HEXD: variants seen among roughly 807,000 people sequenced by gnomAD.
The protein encoded by HEXD is N-acetyl-beta-galactosaminidase.
A neutral mutation model predicts 54.2 loss-of-function variants in HEXD; 47 were observed. The ratio of observed to expected loss-of-function variants is 0.87; its 90% CI spans 0.69 to 1.11. The LOEUF (loss-of-function observed/expected upper bound fraction) is 1.11, where lower values mean the gene tolerates loss of function less well. Ranked by LOEUF, HEXD falls within the 50% of genes least tolerant of loss-of-function variation. The pLI is 0.00. For missense variants in HEXD, 576 were observed against 649.2 expected, an observed-to-expected ratio of 0.89 and a Z score of 1.23; for synonymous variants, 293 against 287.6, an observed-to-expected ratio of 1.02 and a Z score of -0.19.
chr17:82,439,963 A>G (rs1178287177), intron 9 of HEXD: 1 of 1,489,314 alleles, frequency 6.7e-7, no homozygotes, highest in Admixed American at 2.0e-5. Flanking sequence ...CCCCTCAGAC[A>G]CAGTGAATCC....
chr17:82,430,355 C>A (rs985406987), intron 4 of HEXD, among the ~76,000 whole-genome samples: 20 of 152,176 alleles, frequency 1.3e-4, no homozygotes, highest in African/African-American at 4.1e-4. Context: ...CTGAGGAAGA[C>A]CCTCCATGTG....
chr17:82,441,779 C>T, intron 11 of HEXD, 21 bp from the exon 12 acceptor site: 1 of 1,608,026 alleles, frequency 6.2e-7, no homozygotes. Flanking sequence ...CGCGGCACAC[C>T]CCTATGTGGA....
At chr17:82,424,274 T>C (rs755232350) in intron 2 of HEXD, 120 bp from the exon 3 acceptor site, 93 of 695,374 alleles carry the variant, frequency 1.3e-4, no homozygotes, top group Middle Eastern at 2.5e-4. Flanking sequence ...CCAGGAGAAA[T>C]AGAAGTAGCA....
Position 82,418,363 on chromosome 17 carries a change from T to C in HEXD, c.-429T>C. 1.8e-6 allele frequency: 2 copies of C among 1,094,226 alleles called. No individual in the cohort carries two copies. Among genetic ancestry groups the C allele is most frequent in the South Asian group, 1.4e-5 (1 of 72,246 alleles). The allele number at this position is 1,094,226 out of a possible 1,614,324, so 67.8% of individuals were successfully genotyped here. On this transcript the variant is annotated 5_prime_UTR_variant, in exon 1 of 13. It removes an upstream start codon present in the reference 5' UTR. Transcript: ENST00000327949. ...ATCAGCCCCAGTCCCGCCCACTCCA[T>C]GGCCCTGTCCGCCGCCGCAGCGCGC...
intron 9 of HEXD, 34 bp from the exon 10 acceptor site, chr17:82,440,963 C>A: frequency 6.2e-7 from 1 of 1,612,268 alleles, no homozygotes; most frequent in Non-Finnish European, 8.5e-7. Flanking sequence ...CCTCCAGAGG[C>A]CCCTCCAACC....
At chr17:82,440,271 A>G (rs1223183616) in intron 9 of HEXD, 2 of 1,286,330 alleles carry the variant, frequency 1.6e-6, no homozygotes, top group African/African-American at 3.0e-5. Context: ...AGAAAGAAAA[A>G]TGGCCGAGAC....
Position 82,418,524 on chromosome 17 carries a change from C to T in HEXD, c.-268C>T. ...CGCGGAGCCGGGCCGGACGCGGGCG[C>T]CAGGCCCGGGGACGAACGCCGTAAC... On this transcript the variant is annotated 5_prime_UTR_variant, in exon 1 of 13. Coordinates refer to ENST00000327949, the MANE Select transcript of HEXD (RefSeq NM_001330542.2). 8.1e-7 allele frequency: 1 copy of T among 1,236,498 alleles called. No individual in the cohort carries two copies. The highest frequency in any genetic ancestry group is 1.0e-6 in the Non-Finnish European group (1 of 964,958). 76.6% of individuals were successfully genotyped at this position (1,236,498 alleles called of 1,614,324 possible).
Position 82,442,033 on chromosome 17 carries a change from G to A in HEXD, c.1253+144G>A, listed in dbSNP as rs1392962244. The A allele has an allele frequency of 1.8e-5, 23 of 1,304,826 alleles. No homozygotes were observed. Among genetic ancestry groups the A allele is most frequent in the African/African-American group, 2.9e-5 (2 of 68,664 alleles). 80.8% of individuals were successfully genotyped at this position (1,304,826 alleles called of 1,614,324 possible). On this transcript the variant is annotated intron_variant, in intron 12 of 12. Transcript: ENST00000327949. This position sits in a 1 kb window ranked among gnomAD's most constrained non-coding sequence, Gnocchi z 6.8. ...TGGTCTCAGATGTGCAGCTGTCACCGACTTGTTCCTCCCGACATGCCGATG... is the reference window on the plus strand; with the variant it reads ...TGGTCTCAGATGTGCAGCTGTCACCAACTTGTTCCTCCCGACATGCCGATG...
At chr17:82,441,373 T>G (rs867300891) in intron 11 of HEXD, 107 bp downstream of exon 11, 11 of 1,217,664 alleles carry the variant, frequency 9.0e-6, no homozygotes, top group African/African-American at 3.9e-5. Flanking sequence ...GAGGGGCAGG[T>G]GCAGGTGAGC....
intron 6 of HEXD, among the ~76,000 whole-genome samples, chr17:82,436,208 T>A (rs1482545912): frequency 6.6e-6 from 1 of 152,258 alleles, no homozygotes; most frequent in East Asian, 1.9e-4. Context: ...CTGCTCGCTC[T>A]GCCTGAGGCT....
intron 2 of HEXD, among the ~76,000 whole-genome samples, chr17:82,422,157 ACT>A (rs2053253606): frequency 7.0e-6 from 1 of 141,948 alleles, no homozygotes. Flanking sequence ...CAAGAGTGAG[ACT>A]CTGTCTCAAA....
intron 2 of HEXD, among the ~76,000 whole-genome samples, chr17:82,420,949 C>T (rs964956999): frequency 1.3e-5 from 2 of 152,094 alleles, no homozygotes; most frequent in African/African-American, 4.8e-5. Context: ...CAGGGTGTCC[C>T]CATGGATCCC....
chr17:82,420,403 C>G (rs1459843315), intron 2 of HEXD: 1 of 152,334 alleles, frequency 6.6e-6, no homozygotes, highest in East Asian at 1.9e-4. Context: ...TGCCACGAAC[C>G]CCAGGATGCC....
chr17:82,425,146 C>CTGGAGAAGGT lies in HEXD; in HGVS notation c.194+648_194+649insAAGGTTGGAG, dbSNP rs1426546272. Among the ~76,000 whole-genome samples, 3 of 142,150 alleles carry CTGGAGAAGGT rather than the reference C, an allele frequency of 2.1e-5. No individual in the cohort carries two copies. In the East Asian group the frequency reaches 6.4e-4, roughly 30 times the overall value. 93.3% of individuals were successfully genotyped at this position (142,150 alleles called of 152,430 possible). A position where few individuals can be genotyped will look rare whatever the true frequency, so the allele number is the denominator to read the frequency against. On this transcript the variant is annotated intron_variant, in intron 3 of 12. Coordinates refer to ENST00000327949, the MANE Select transcript of HEXD (RefSeq NM_001330542.2). Reference sequence around the variant, plus strand: ...GGAGGCCAGAGAAGGCTGGAGAAGGCTGGAGGAGGCTAGAGAAGGCTGGAG... The same window carrying CTGGAGAAGGT: ...GGAGGCCAGAGAAGGCTGGAGAAGGCTGGAGAAGGTTGGAGGAGGCTAGAGAAGGCTGGAG...
chr17:82,437,077 T>C, intron 7 of HEXD, 91 bp from the exon 8 acceptor site: 1 of 1,165,754 alleles, frequency 8.6e-7, no homozygotes, highest in Non-Finnish European at 1.2e-6. Context: ...GCGGCTCCCA[T>C]GTTGGCTCTG....
At chr17:82,437,492 G>C in intron 8 of HEXD, 129 bp downstream of exon 8, 1 of 817,260 alleles carries the variant, frequency 1.2e-6, no homozygotes, top group Non-Finnish European at 1.8e-6. Flanking sequence ...CCTCCAAGAG[G>C]AGCTGCAGAA....
At chr17:82,439,444 T>C (rs1884504754) in intron 8 of HEXD, 187 bp from the exon 9 acceptor site, 3 of 985,324 alleles carry the variant, frequency 3.0e-6, no homozygotes, top group Non-Finnish European at 3.6e-6. Flanking sequence ...GGAGTTGACA[T>C]GAGAGCCCTG....
intron 6 of HEXD, among the ~76,000 whole-genome samples, chr17:82,436,379 C>T (rs1293751009): frequency 6.6e-6 from 1 of 152,230 alleles, no homozygotes; most frequent in African/African-American, 2.4e-5. Flanking sequence ...CCATGCATGG[C>T]CACATAGATG....
intron 8 of HEXD, among the ~76,000 whole-genome samples, chr17:82,439,192 C>G (rs1049851210): frequency 6.6e-6 from 1 of 152,220 alleles, no homozygotes; most frequent in Non-Finnish European, 1.5e-5. Context: ...AAAGCTGCCA[C>G]CCCCACCAGC....
Sources: gnomAD v4.1 joint callset for allele counts (sites outside exome capture counted in the v4.1 genomes callset) on GRCh38, gnomAD v4.1.1 for gene constraint, Gnocchi (gnomAD v3.1) non-coding constraint, MANE v1.5 for transcripts, NCBI Gene and HGNC (gene_info 2026-07-23, HGNC 2026-07-21) for gene names.